The following PKNOX2 variants were observed in gnomAD, a reference collection of about 807,000 sequenced individuals.
PKNOX2 encodes the protein homeobox protein PKNOX2.
Under a neutral mutation model 53.1 loss-of-function variants are expected in PKNOX2, and 14 were observed. That is an observed-to-expected ratio of 0.26 (90% CI 0.17 to 0.41). The LOEUF is 0.41. Among genes scored for constraint, PKNOX2 ranks in the 10% least tolerant of loss-of-function variants. The pLI, the probability that PKNOX2 is intolerant of heterozygous loss-of-function variation, is 1.00. For missense variants in PKNOX2, 496 were observed against 602.8 expected (o/e 0.82, Z 1.85); for synonymous variants, 257 against 242.8 (o/e 1.06, Z -0.54).
chr11:125,226,774 T>C (rs972591320), intron 1 of PKNOX2, among the ~76,000 whole-genome samples: 5 of 151,166 alleles, frequency 3.3e-5, no homozygotes, highest in African/African-American at 1.2e-4. Context: ...TTTTTTTTTT[T>C]CCTTTTTTTT....
chr11:125,391,882 G>C (rs1433923058), intron 6 of PKNOX2, among the ~76,000 whole-genome samples: 2 of 152,262 alleles, frequency 1.3e-5, no homozygotes, highest in Non-Finnish European at 2.9e-5. Context: ...TGAATTAAGT[G>C]GCATTGTTAT....
At chr11:125,323,738 G>T (rs1023573887) in intron 2 of PKNOX2, among the ~76,000 whole-genome samples, 13 of 152,194 alleles carry the variant, frequency 8.5e-5, no homozygotes, top group Admixed American at 8.5e-4. Flanking sequence ...TTGCAAGTGG[G>T]TGTGAGCCTA....
At position 125,213,217 on chromosome 11, in the gene PKNOX2, C is replaced by G. The variant is rs141212000; in HGVS notation, c.-200-21828C>G. ...GTCTAAGCCCCAAGTTTCTTCACAT[C>G]TGCCACCTCTTCCTGCCCTTTGTAG... On this transcript the variant is annotated intron_variant, in intron 1 of 12. Transcript: ENST00000298282. 4.7e-3 allele frequency among the ~76,000 whole-genome samples: 721 copies of G among 152,144 alleles called. 5 individuals carry two copies. Among genetic ancestry groups the G allele is most frequent in the Admixed American group, 6.5e-3 (100 of 15,288 alleles).
intron 3 of PKNOX2, among the ~76,000 whole-genome samples, chr11:125,344,273 A>G (rs575420774): frequency 9.8e-5 from 15 of 152,324 alleles, no homozygotes; most frequent in African/African-American, 3.4e-4. Context: ...ATAAAGAACA[A>G]ACAGTAAAAT....
At chr11:125,284,186 G>A (rs759667626) in intron 2 of PKNOX2, among the ~76,000 whole-genome samples, 2 of 152,220 alleles carry the variant, frequency 1.3e-5, no homozygotes, top group Non-Finnish European at 2.9e-5. Flanking sequence ...CAAGAGCTTT[G>A]TAGCAGCCAT....
chr11:125,220,097 G>A (rs1294592091), intron 1 of PKNOX2, among the ~76,000 whole-genome samples: 2 of 151,684 alleles, frequency 1.3e-5, no homozygotes, highest in African/African-American at 4.9e-5. Context: ...TCTTTGTACT[G>A]ATAAAGATCT....
rs1480312994 is a variant in PKNOX2, at chr11:125,370,528, C to T, written c.227+2543C>T. Among the ~76,000 whole-genome samples the T allele has an allele frequency of 6.6e-6, 1 of 152,242 alleles. No individual in the cohort carries two copies. Reference sequence around the variant, plus strand: ...CCCTTGGTGTTTGCCCAAAGTATGTCTGCAGCTGTCTGACCTGGAAGAGGG... The same window carrying T: ...CCCTTGGTGTTTGCCCAAAGTATGTTTGCAGCTGTCTGACCTGGAAGAGGG... On this transcript the variant is annotated intron_variant, in intron 5 of 12. Transcript: ENST00000298282. The surrounding 1 kb of genome is among the most constrained non-coding windows in gnomAD (Gnocchi z 4.1).
At chr11:125,222,623 A>C (rs12797047) in intron 1 of PKNOX2, among the ~76,000 whole-genome samples, 1 of 125,986 alleles carries the variant, frequency 7.9e-6, no homozygotes, top group Non-Finnish European at 1.6e-5. Flanking sequence ...ATGTGTGTGT[A>C]TGTGTGTGTG....
chr11:125,338,616 A>G (rs1246534444), intron 3 of PKNOX2, among the ~76,000 whole-genome samples: 2 of 152,200 alleles, frequency 1.3e-5, no homozygotes, highest in Non-Finnish European at 2.9e-5. Context: ...AAGTAGAGAC[A>G]CTTTGTTCCT....
In PKNOX2 at chr11:125,315,369, G is replaced by C. The variant is rs77420687; in HGVS notation, c.-129-16450G>C. ...TAAAATTGATGCGTTATTAATCCTTGTGCTCCCAAACTGGTGGGCGGCTCT... is the reference window on the plus strand; with the variant it reads ...TAAAATTGATGCGTTATTAATCCTTCTGCTCCCAAACTGGTGGGCGGCTCT... On this transcript the variant is annotated intron_variant, in intron 2 of 12. Coordinates refer to ENST00000298282, the MANE Select transcript of PKNOX2 (RefSeq NM_001382323.2). Among the ~76,000 whole-genome samples, 8 of 142,768 alleles carry C rather than the reference G, an allele frequency of 5.6e-5. No individual in the cohort carries two copies. In the East Asian group the frequency reaches 1.7e-3, roughly 30 times the overall value. The allele number at this position is 142,768 out of a possible 152,430, so 93.7% of individuals were successfully genotyped here.
chr11:125,213,054 T>C (rs1275205715), intron 1 of PKNOX2, among the ~76,000 whole-genome samples: 2 of 152,122 alleles, frequency 1.3e-5, no homozygotes, highest in African/African-American at 4.8e-5. Context: ...TTATGTGAAG[T>C]TGTCCTCTCT....
At position 125,312,571 on chromosome 11, in the gene PKNOX2, C is replaced by T. The variant is rs372248340; in HGVS notation, c.-129-19248C>T. Among the ~76,000 whole-genome samples, 353 of 152,268 alleles carry T rather than the reference C, an allele frequency of 2.3e-3. 1 individual carries two copies. The highest frequency in any genetic ancestry group is 7.2e-3 in the African/African-American group (299 of 41,550). On this transcript the variant is annotated intron_variant, in intron 2 of 12. Coordinates refer to ENST00000298282, the MANE Select transcript of PKNOX2 (RefSeq NM_001382323.2). ...TGTTGAGGCAGGAGGGCCGGGGCAG[C>T]GGGTGCTGTGGCTCTGTGGATGACT...
intron 3 of PKNOX2, among the ~76,000 whole-genome samples, chr11:125,336,143 G>T (rs1950422469): frequency 6.6e-6 from 1 of 152,008 alleles, no homozygotes; most frequent in South Asian, 2.1e-4. Flanking sequence ...TTTATTTATT[G>T]TAGTTATTTT....
rs530636409 is a variant in PKNOX2 at position 125,171,546 on chromosome 11, G to A, written c.-201+6770G>A. On this transcript the variant is annotated intron_variant, in intron 1 of 12. Coordinates refer to ENST00000298282, the MANE Select transcript of PKNOX2 (RefSeq NM_001382323.2). Reference sequence around the variant, plus strand: ...GGAAGTAAAAGCACATAGCTCACAGGACTGTTGAGGGGCATCTGTTAAGTC... The same window carrying A: ...GGAAGTAAAAGCACATAGCTCACAGAACTGTTGAGGGGCATCTGTTAAGTC... 4.9e-4 allele frequency among the ~76,000 whole-genome samples: 74 copies of A among 152,340 alleles called. No homozygotes were observed. The Middle Eastern group carries it at 0.01, about 21-fold the overall frequency.
rs1009384835 is a variant in PKNOX2, at chr11:125,240,865, T to C, written c.-130+5750T>C. ...AGCTGGCTCTTCAGAGAGGAAAAAT[T>C]GCTCCAAAGCTAGCCATTTCTCCAG... On this transcript the variant is annotated intron_variant, in intron 2 of 12. Transcript: ENST00000298282. The surrounding 1 kb of genome is among the most constrained non-coding windows in gnomAD (Gnocchi z 4.3). Among the ~76,000 whole-genome samples the C allele has an allele frequency of 6.6e-6, 1 of 152,154 alleles. No individual in the cohort carries two copies. Among genetic ancestry groups the C allele is most frequent in the African/African-American group, 2.4e-5 (1 of 41,426 alleles).
Position 125,398,384 on chromosome 11 carries a change from C to A in PKNOX2, c.588+322C>A, listed in dbSNP as rs185616238. ...GCACCAGAGCTAAGGAGAAGGAAAGCTCTCCTGGAGGATGAGCTGGGACAG... is the reference window on the plus strand; with the variant it reads ...GCACCAGAGCTAAGGAGAAGGAAAGATCTCCTGGAGGATGAGCTGGGACAG... On this transcript the variant is annotated intron_variant, in intron 7 of 12. Coordinates refer to ENST00000298282, the MANE Select transcript of PKNOX2 (RefSeq NM_001382323.2). Among the ~76,000 whole-genome samples, 79 of 152,334 alleles carry A rather than the reference C, an allele frequency of 5.2e-4. 1 individual carries two copies. Among genetic ancestry groups the A allele is most frequent in the African/African-American group, 1.9e-3 (78 of 41,572 alleles).
chr11:125,380,142 C>T (rs931430038), intron 5 of PKNOX2, among the ~76,000 whole-genome samples: 1 of 152,188 alleles, frequency 6.6e-6, no homozygotes, highest in Non-Finnish European at 1.5e-5. Flanking sequence ...GGGGAAGGCG[C>T]CCGCCCTCCC....
At chr11:125,198,349 G>C (rs554212533) in intron 1 of PKNOX2, among the ~76,000 whole-genome samples, 11 of 152,176 alleles carry the variant, frequency 7.2e-5, no homozygotes, top group Non-Finnish European at 1.6e-4. Flanking sequence ...GGCGAAGGTG[G>C]GGGTAGAGGG....
Position 125,367,940 on chromosome 11 carries a change from T to C in PKNOX2, c.182T>C (p.Ile61Thr). The change falls in exon 5 of 13, where the codon ATC becomes ACC. Residue 61 changes from isoleucine to threonine, a missense_variant. By Grantham distance (89) the Ile-to-Thr change is moderately conservative. This residue lies in a region of PKNOX2 where 168 missense variants were observed against 178.4 expected (regional missense o/e 0.94). Transcript: ENST00000298282. Reference sequence around the variant, plus strand: ...AGCACACCTGTGCCCAGTGCCCCCATCGACCCCCAGGCCCAGCTGGAGGCT... The same window carrying C: ...AGCACACCTGTGCCCAGTGCCCCCACCGACCCCCAGGCCCAGCTGGAGGCT... ...AASTPVPSAP[I>T]DPQAQLEADK... is the part of the protein sequence containing the mutation. 1.2e-6 allele frequency: 2 copies of C among 1,613,308 alleles called. No individual in the cohort carries two copies. Among genetic ancestry groups the C allele is most frequent in the Non-Finnish European group, 1.7e-6 (2 of 1,179,666 alleles).
Sources: allele counts gnomAD v4.1 joint callset (sites outside exome capture counted in the v4.1 genomes callset), GRCh38; gene constraint gnomAD v4.1.1; regional missense constraint gnomAD v4.1.1; non-coding constraint Gnocchi (gnomAD v3.1); transcripts MANE v1.5; gene names NCBI Gene and HGNC (gene_info 2026-07-23, HGNC 2026-07-21).